SNX24: variants seen among roughly 807,000 people sequenced by gnomAD.
SNX24 encodes sorting nexin-24.
SNX24 carries 22 observed loss-of-function variants against 28.7 expected under a neutral mutation model. The ratio of observed to expected loss-of-function variants is 0.77; its 90% confidence interval spans 0.55 to 1.10. SNX24 has a LOEUF of 1.10. Ranked by LOEUF, SNX24 falls within the 50% of genes least tolerant of loss-of-function variation. The pLI is 0.00. For missense variants in SNX24, 221 were observed against 201.1 expected (o/e 1.10, Z -0.60); for synonymous variants, 69 against 71.5 (o/e 0.96, Z 0.18).
At chr5:122,902,342 A>G (rs1467290628) in intron 1 of SNX24, among the ~76,000 whole-genome samples, 1 of 152,240 alleles carries the variant, frequency 6.6e-6, no homozygotes, top group East Asian at 1.9e-4. Flanking sequence ...AAGAGGCTGA[A>G]GAAGAGATGC....
At chr5:122,968,780 A>C (rs957759084) in intron 3 of SNX24, among the ~76,000 whole-genome samples, 1 of 152,316 alleles carries the variant, frequency 6.6e-6, no homozygotes, top group Non-Finnish European at 1.5e-5. Flanking sequence ...TATTAGAATA[A>C]GAACAGCAGG....
Position 123,024,113 on chromosome 5 carries a change from G to T in SNX24, n.384-5125G>T, listed in dbSNP as rs1762814741. ...GCCCAAGTGGGAAGGAAATAAGGTT[G>T]GTTGGTTGGTTGGTTTTTTATGACT... On this transcript the variant is annotated intron_variant and non_coding_transcript_variant, in intron 5 of 5. Coordinates refer to the SNX24 transcript ENST00000502387. The T allele has an allele frequency of 3.8e-6, 5 of 1,318,498 alleles. No individual in the cohort carries two copies. The South Asian group carries it at 4.9e-5, about 13-fold the overall frequency. 81.7% of individuals were successfully genotyped at this position (1,318,498 alleles called of 1,614,324 possible). A position where few individuals can be genotyped will look rare whatever the true frequency, so the allele number is the denominator to read the frequency against.
intron 2 of SNX24, among the ~76,000 whole-genome samples, 157 bp downstream of exon 2, chr5:122,936,974 T>C (rs1175467055): frequency 2.0e-5 from 3 of 152,214 alleles, no homozygotes; most frequent in African/African-American, 7.2e-5. Context: ...GAATAAGTTA[T>C]TCAGTTCCTT....
intron 6 of SNX24, among the ~76,000 whole-genome samples, chr5:123,003,222 T>C (rs2164773): frequency 0.22 from 33,919 of 152,088 alleles, 4,828 homozygotes; most frequent in Non-Finnish European, 0.33. Context: ...TGCTCCTCCC[T>C]AGGAAGGGTT....
intron 3 of SNX24, among the ~76,000 whole-genome samples, chr5:122,988,204 A>C (rs1761685754): frequency 6.6e-6 from 1 of 152,098 alleles, no homozygotes; most frequent in South Asian, 2.1e-4. Flanking sequence ...TGTTGTTTTT[A>C]GGAGTACCTT....
At chr5:122,992,302 T>A (rs1331794566) in intron 3 of SNX24, among the ~76,000 whole-genome samples, 1 of 152,148 alleles carries the variant, frequency 6.6e-6, no homozygotes, top group Non-Finnish European at 1.5e-5. Flanking sequence ...AATCAGATTG[T>A]GTCATGTACA....
At chr5:122,996,440 G>A (rs1297419256) in intron 3 of SNX24, among the ~76,000 whole-genome samples, 1 of 152,186 alleles carries the variant, frequency 6.6e-6, no homozygotes, top group African/African-American at 2.4e-5. Context: ...ATGTATGTAT[G>A]TTTTCCAGCA....
chr5:122,949,135 C>A (rs749680369), intron 3 of SNX24, among the ~76,000 whole-genome samples: 13 of 152,120 alleles, frequency 8.5e-5, no homozygotes, highest in Admixed American at 1.3e-4. Context: ...ACAAAGGAAA[C>A]CCAACCTGTT....
rs138572449 is a variant in SNX24, at chr5:122,922,299, C to T, written c.61-14435C>T. Among the ~76,000 whole-genome samples the T allele has an allele frequency of 8.5e-3, 1,298 of 152,232 alleles. 12 individuals are homozygous for T. Among genetic ancestry groups the T allele is most frequent in the African/African-American group, 0.03 (1,232 of 41,540 alleles). On this transcript the variant is annotated intron_variant, in intron 1 of 6. Transcript: ENST00000261369. ...ACAGGGTCTCACTCTGTCACCCAGG[C>T]TGGAGTGCAATGGTGCAATCTCAGC...
intron 3 of SNX24, among the ~76,000 whole-genome samples, chr5:122,981,424 TA>T (rs199717239): frequency 0.011 from 1,710 of 152,326 alleles, 14 homozygotes; most frequent in Non-Finnish European, 0.014. Context: ...GATGTACTTT[TA>T]AAAAGGTTTT....
intron 1 of SNX24, among the ~76,000 whole-genome samples, chr5:122,850,248 C>T (rs186567084): frequency 3.3e-5 from 5 of 152,264 alleles, no homozygotes; most frequent in African/African-American, 4.8e-5. Flanking sequence ...CAGTGTCTAG[C>T]GAGGGTCCAT....
chr5:122,917,255 CAAA>C (rs57417496), intron 1 of SNX24, among the ~76,000 whole-genome samples: 6 of 79,662 alleles, frequency 7.5e-5, no homozygotes, highest in African/African-American at 4.3e-5. Context: ...GACTTCATCT[CAAA>C]AAAAAAAAAA....
intron 2 of SNX24, among the ~76,000 whole-genome samples, chr5:122,941,927 G>A (rs1759469079): frequency 6.6e-6 from 1 of 152,164 alleles, no homozygotes; most frequent in African/African-American, 2.4e-5. Flanking sequence ...TGCTAGCCTT[G>A]TTATGGCCCA....
chr5:123,007,765 A>G lies in SNX24; in HGVS notation c.*16A>G. ...GCCCAGGTAGAAATCCTACATGGCT[A>G]AAAGAAGCAGAAGCAAGTTTCGAAG... On this transcript the variant is annotated 3_prime_UTR_variant, in exon 7 of 7. Transcript: ENST00000261369. The G allele has an allele frequency of 2.5e-6, 4 of 1,590,792 alleles. No individual in the cohort carries two copies. The highest frequency in any genetic ancestry group is 2.6e-6 in the Non-Finnish European group (3 of 1,174,202).
chr5:123,025,019 T>G (rs935230176), intron 5 of SNX24, among the ~76,000 whole-genome samples: 1 of 152,198 alleles, frequency 6.6e-6, no homozygotes. Context: ...CCCAACAGTA[T>G]AGATTCAAAT....
Position 122,969,240 on chromosome 5 carries a change from A to G in SNX24, c.249+23081A>G, listed in dbSNP as rs574598787. Among the ~76,000 whole-genome samples, 5 of 152,224 alleles carry G rather than the reference A, an allele frequency of 3.3e-5. No homozygotes were observed. In the South Asian group the frequency reaches 1.0e-3, roughly 32 times the overall value. On this transcript the variant is annotated intron_variant, in intron 3 of 6. Transcript: ENST00000261369. ...GTTCTTTCCCATTCAGAATGTGTCC[A>G]CCTCTTGCTTGTGGGGTGTAAGTGG...
intron 5 of SNX24, among the ~76,000 whole-genome samples, chr5:123,022,066 C>T (rs1270247925): frequency 1.3e-5 from 2 of 152,124 alleles, no homozygotes; most frequent in African/African-American, 2.4e-5. Context: ...GCACTCATCA[C>T]CCTTTTTATT....
intron 3 of SNX24, among the ~76,000 whole-genome samples, chr5:122,987,759 C>T (rs560832196): frequency 1.8e-4 from 27 of 152,140 alleles, no homozygotes; most frequent in South Asian, 1.0e-3. Flanking sequence ...CCAATAGTAG[C>T]GGGGCAACAC....
intron 5 of SNX24, chr5:123,023,795 G>GA (rs2150187854): frequency 1.6e-6 from 2 of 1,241,164 alleles, no homozygotes; most frequent in African/African-American, 1.8e-5. Flanking sequence ...GCAAATAATT[G>GA]AAAGACAACA....
Sources: gnomAD v4.1 joint callset for allele counts (sites outside exome capture counted in the v4.1 genomes callset) on GRCh38, gnomAD v4.1.1 for gene constraint, MANE v1.5 for transcripts, NCBI Gene and HGNC (gene_info 2026-07-23, HGNC 2026-07-21) for gene names.